The following KCND3 variants were observed in gnomAD, a reference collection of about 807,000 sequenced individuals.
The protein encoded by KCND3 is A-type voltage-gated potassium channel KCND3.
KCND3 carries 9 observed loss-of-function variants against 51.1 expected under a neutral mutation model. The observed-to-expected ratio is 0.18, with a 90% CI of 0.11 to 0.31. The LOEUF is 0.31. KCND3 is among the 10% of genes least tolerant of loss of function. The pLI is 1.00. For missense variants in KCND3, 526 were observed against 903.8 expected (o/e 0.58, Z 5.36); for synonymous variants, 349 against 368.0 (o/e 0.95, Z 0.59).
chr1:111,907,683 T>C (rs1670712452), intron 2 of KCND3, among the ~76,000 whole-genome samples: 1 of 152,258 alleles, frequency 6.6e-6, no homozygotes, highest in Non-Finnish European at 1.5e-5. Flanking sequence ...TTTTGTTATA[T>C]AGCAATAGAT....
chr1:111,818,971 T>C (rs1200200984), intron 2 of KCND3, among the ~76,000 whole-genome samples: 1 of 152,216 alleles, frequency 6.6e-6, no homozygotes, highest in African/African-American at 2.4e-5. Flanking sequence ...GTAGCTTTTG[T>C]ATGCATTTGT....
chr1:111,922,703 T>C (rs1445020076), intron 2 of KCND3, among the ~76,000 whole-genome samples: 1 of 152,236 alleles, frequency 6.6e-6, no homozygotes, highest in African/African-American at 2.4e-5. Context: ...GGTGGAACCT[T>C]GCTAGATCCA....
rs137901333 is a variant in KCND3, at chr1:111,911,850, G to A, written c.1106+69771C>T. On this transcript the variant is annotated intron_variant, in intron 2 of 7. Transcript: ENST00000302127. ...CGATACAGGACTATGATCCTTGAGA[G>A]AGGTGAATCAAATGAGAGACCCCTA... Among the ~76,000 whole-genome samples, 376 of 152,342 alleles carry A rather than the reference G, an allele frequency of 2.5e-3. 1 individual carries two copies. The highest frequency in any genetic ancestry group is 8.7e-3 in the African/African-American group (360 of 41,582).
chr1:111,848,822 C>A (rs919349932), intron 2 of KCND3, among the ~76,000 whole-genome samples: 2 of 152,204 alleles, frequency 1.3e-5, no homozygotes, highest in African/African-American at 2.4e-5. Context: ...TGGGCACAGG[C>A]CAGAGTAGAA....
intron 2 of KCND3, among the ~76,000 whole-genome samples, chr1:111,808,184 A>C (rs1252056769): frequency 6.6e-6 from 1 of 152,270 alleles, no homozygotes; most frequent in Non-Finnish European, 1.5e-5. Flanking sequence ...ATAGAGAAGT[A>C]GGAACTCAAT....
At position 111,780,657 on chromosome 1, in the gene KCND3, AT is replaced by A. The variant is rs776909165; in HGVS notation, c.1371+32del. On this transcript the variant is annotated intron_variant, in intron 4 of 7. Transcript: ENST00000302127. The surrounding 1 kb of genome is among the most constrained non-coding windows in gnomAD (Gnocchi z 4.2). ...AGAAAACAAGCCCATCTACCCCTTT[AT>A]GTTCCCTAGCCCAGGTCCTCTAGGC... is the stretch of plus-strand genomic sequence containing the variant. 2 of 1,555,204 alleles carry A rather than the reference AT, an allele frequency of 1.3e-6. No homozygotes were observed. Among genetic ancestry groups the A allele is most frequent in the Non-Finnish European group, 8.8e-7 (1 of 1,137,888 alleles).
intron 2 of KCND3, among the ~76,000 whole-genome samples, chr1:111,895,986 C>T (rs1450087944): frequency 6.6e-6 from 1 of 152,252 alleles, no homozygotes; most frequent in African/African-American, 2.4e-5. Flanking sequence ...ATGAGCACTT[C>T]CAGGACTAAG....
At chr1:111,781,797 G>A (rs1400154279) in intron 3 of KCND3, among the ~76,000 whole-genome samples, 1 of 152,202 alleles carries the variant, frequency 6.6e-6, no homozygotes, top group East Asian at 1.9e-4. Context: ...GGGAGAAGCT[G>A]AACACATTAC....
At chr1:111,974,666 C>T (rs545441554) in intron 2 of KCND3, among the ~76,000 whole-genome samples, 10 of 152,316 alleles carry the variant, frequency 6.6e-5, no homozygotes, top group Admixed American at 4.6e-4. Context: ...CATTTCCCTC[C>T]TCCTGAAGAT....
intron 2 of KCND3, among the ~76,000 whole-genome samples, chr1:111,819,108 AGAGCTCACACTTCCCCAT>A (rs1217101420): frequency 6.6e-6 from 1 of 152,082 alleles, no homozygotes; most frequent in Non-Finnish European, 1.5e-5. Flanking sequence ...TGCTTTTAGG[AGAGCTCACACTTCCCCAT>A]GTGTGACCAC....
At chr1:111,924,960 A>T (rs1671635883) in intron 2 of KCND3, among the ~76,000 whole-genome samples, 2 of 152,200 alleles carry the variant, frequency 1.3e-5, no homozygotes, top group Admixed American at 1.3e-4. Flanking sequence ...GAGTCTTCAA[A>T]TGAAGGCCTT....
intron 2 of KCND3, among the ~76,000 whole-genome samples, chr1:111,890,150 A>G (rs1164708766): frequency 6.6e-6 from 1 of 152,200 alleles, no homozygotes; most frequent in Non-Finnish European, 1.5e-5. Flanking sequence ...AGAGGAAAAT[A>G]TGCTCTGCCT....
intron 2 of KCND3, among the ~76,000 whole-genome samples, chr1:111,844,626 A>G (rs1353338833): frequency 1.3e-5 from 2 of 152,112 alleles, no homozygotes; most frequent in Non-Finnish European, 2.9e-5. Context: ...CCTTTCCTCA[A>G]GCCTCCTCAC....
At chr1:111,809,283 C>T (rs952493681) in intron 2 of KCND3, among the ~76,000 whole-genome samples, 1 of 151,148 alleles carries the variant, frequency 6.6e-6, no homozygotes, top group Non-Finnish European at 1.5e-5. Flanking sequence ...CTTACCGGTT[C>T]TGTTTCAACA....
chr1:111,818,020 T>A (rs1239530579), intron 2 of KCND3, among the ~76,000 whole-genome samples: 2 of 149,224 alleles, frequency 1.3e-5, no homozygotes, highest in East Asian at 4.0e-4. Flanking sequence ...TGTGAGCTGT[T>A]CCCATAGGCA....
chr1:111,971,175 C>G (rs1674305815), intron 2 of KCND3, among the ~76,000 whole-genome samples: 1 of 152,126 alleles, frequency 6.6e-6, no homozygotes, highest in South Asian at 2.1e-4. Context: ...GCCATTTAGA[C>G]CCCATGTGCC....
At chr1:111,808,674 A>G (rs17028625) in intron 2 of KCND3, among the ~76,000 whole-genome samples, 2,140 of 152,308 alleles carry the variant, frequency 0.014, 44 homozygotes, top group African/African-American at 0.049. Context: ...CTCTGTTATT[A>G]GAGCTTCTCA....
At chr1:111,827,336 C>T (rs1014993063) in intron 2 of KCND3, among the ~76,000 whole-genome samples, 20 of 152,280 alleles carry the variant, frequency 1.3e-4, no homozygotes, top group African/African-American at 4.6e-4. Flanking sequence ...AGGGGTGGAG[C>T]CCAAGTAAGC....
intron 2 of KCND3, among the ~76,000 whole-genome samples, chr1:111,790,332 T>C (rs559134697): frequency 2.2e-4 from 34 of 152,330 alleles, no homozygotes; most frequent in African/African-American, 7.9e-4. Flanking sequence ...TAATTCAGTG[T>C]TTGAATAACT....
Sources: gnomAD v4.1 joint callset for allele counts (sites outside exome capture counted in the v4.1 genomes callset) on GRCh38, gnomAD v4.1.1 for gene constraint, Gnocchi (gnomAD v3.1) non-coding constraint, MANE v1.5 for transcripts, NCBI Gene and HGNC (gene_info 2026-07-23, HGNC 2026-07-21) for gene names.